Variants in VPS50 observed in about 807,000 individuals in gnomAD.
The protein encoded by VPS50 is syndetin.
Under a neutral mutation model 139.7 loss-of-function variants are expected in VPS50, and 70 were observed. That is an observed-to-expected ratio of 0.50 (90% confidence interval 0.41 to 0.61). The LOEUF is 0.61. Among genes scored for constraint, VPS50 ranks in the 20% least tolerant of loss-of-function variants. The pLI, the probability that VPS50 is intolerant of heterozygous loss-of-function variation, is 0.00. For missense variants in VPS50, 921 were observed against 1,133.7 expected, an observed-to-expected ratio of 0.81 and a Z score of 2.69; for synonymous variants, 365 against 376.7, an observed-to-expected ratio of 0.97 and a Z score of 0.36.
At chr7:93,257,921 T>G (rs1467552239) in intron 6 of VPS50, among the ~76,000 whole-genome samples, 1 of 152,062 alleles carries the variant, frequency 6.6e-6, no homozygotes, top group African/African-American at 2.4e-5. Context: ...TATTCTCAGT[T>G]TCTGTAATTT....
intron 2 of VPS50, among the ~76,000 whole-genome samples, chr7:93,251,913 C>T: frequency 6.6e-6 from 1 of 152,112 alleles, no homozygotes; most frequent in East Asian, 1.9e-4. Context: ...TAAAAATTTA[C>T]TAGTTAACTG....
chr7:93,256,533 A>G lies in VPS50; in HGVS notation c.322A>G (p.Ile108Val), dbSNP rs1224080069. The change falls in exon 5 of 28, where the codon ATC becomes GTC. Residue 108 changes from isoleucine to valine, a missense_variant. Coordinates refer to ENST00000305866, the MANE Select transcript of VPS50 (RefSeq NM_017667.4). ...AAVSKKVADL[I>V]LEKQPAYVKE... The stretch of plus-strand genomic sequence containing the variant: ...GGTATCTAAAAAAGTGGCAGATTTA[A>G]TCCTTGAAAAACAGCCTGCTTATGT... 1.4e-6 allele frequency: 2 copies of G among 1,459,688 alleles called. No individual in the cohort carries two copies. The highest frequency in any genetic ancestry group is 1.5e-5 in the African/African-American group (1 of 67,538). 90.4% of individuals were successfully genotyped at this position (1,459,688 alleles called of 1,614,324 possible). A position where few individuals can be genotyped will look rare whatever the true frequency, so the allele number is the denominator to read the frequency against.
chr7:93,321,217 G>C (rs940937064), intron 20 of VPS50: 1 of 152,202 alleles, frequency 6.6e-6, no homozygotes, highest in Non-Finnish European at 1.5e-5. Flanking sequence ...TACAGGAAAA[G>C]TTTGCCAACC....
chr7:93,316,300 C>G (rs1300617431), intron 20 of VPS50, among the ~76,000 whole-genome samples: 1 of 152,128 alleles, frequency 6.6e-6, no homozygotes, highest in Admixed American at 6.5e-5. Flanking sequence ...CAAAGACTGT[C>G]CTATGCAGCT....
intron 20 of VPS50, among the ~76,000 whole-genome samples, chr7:93,314,304 T>G (rs1440292198): frequency 6.6e-6 from 1 of 152,220 alleles, no homozygotes; most frequent in Non-Finnish European, 1.5e-5. Context: ...TCAAGTAGTA[T>G]TTACTTGGCA....
At position 93,323,741 on chromosome 7, in the gene VPS50, A is replaced by G; in HGVS notation, c.1977+9A>G. 1 of 1,381,228 alleles carries G rather than the reference A, an allele frequency of 7.2e-7. No homozygotes were observed. Among genetic ancestry groups the G allele is most frequent in the Non-Finnish European group, 9.7e-7 (1 of 1,033,196 alleles). 85.6% of individuals were successfully genotyped at this position (1,381,228 alleles called of 1,614,324 possible). ...TTGGTCGGAATGATTCAGTAAGTCCACCTTTAGAGGGAAAAAAATCTTTCT... is the reference window on the plus strand; with the variant it reads ...TTGGTCGGAATGATTCAGTAAGTCCGCCTTTAGAGGGAAAAAAATCTTTCT... On this transcript the variant is annotated intron_variant, in intron 21 of 27. Transcript: ENST00000305866.
chr7:93,250,091 A>G (rs1339350415), intron 2 of VPS50, among the ~76,000 whole-genome samples: 2 of 151,806 alleles, frequency 1.3e-5, no homozygotes, highest in Non-Finnish European at 1.5e-5. Context: ...TTCTCGGTGT[A>G]TTTTATGAGT....
intron 1 of VPS50, among the ~76,000 whole-genome samples, chr7:93,235,891 G>A (rs1414037623): frequency 6.6e-6 from 1 of 152,208 alleles, no homozygotes; most frequent in Non-Finnish European, 1.5e-5. Flanking sequence ...AACTGGTTAA[G>A]ATCACCAGTG....
At chr7:93,295,913 AT>A in intron 14 of VPS50, among the ~76,000 whole-genome samples, 1 of 152,010 alleles carries the variant, frequency 6.6e-6, no homozygotes, top group African/African-American at 2.4e-5. Flanking sequence ...ATTGGTGGAT[AT>A]GGGGTCTTGC....
chr7:93,259,582 C>T lies in VPS50; in HGVS notation c.609C>T (p.Cys203=). The change falls in exon 9 of 28, where the codon TGC becomes TGT. Residue 203 remains cysteine (C), a synonymous_variant. Coordinates refer to ENST00000305866, the MANE Select transcript of VPS50 (RefSeq NM_017667.4). ...ATTATCCAGGAGCTATTCAGTTGTG[C>T]CTTGAATGTCAAAAAGCTGCCAGCA... ...EEDYPGAIQL[C]LECQKAASTF... is the part of the protein sequence containing the mutation. 6.3e-7 allele frequency: 1 copy of T among 1,598,094 alleles called. No homozygotes were observed. The highest frequency in any genetic ancestry group is 8.6e-7 in the Non-Finnish European group (1 of 1,166,170).
chr7:93,318,435 T>C (rs1797494982), intron 20 of VPS50, among the ~76,000 whole-genome samples: 1 of 152,110 alleles, frequency 6.6e-6, no homozygotes, highest in African/African-American at 2.4e-5. Context: ...CCTTTACGCC[T>C]CTTTTATAGC....
intron 2 of VPS50, among the ~76,000 whole-genome samples, chr7:93,245,603 T>C (rs1309699200): frequency 6.6e-6 from 1 of 151,908 alleles, no homozygotes; most frequent in Non-Finnish European, 1.5e-5. Context: ...AATCACTTGA[T>C]TGTGTTATAA....
chr7:93,271,213 T>TA lies in VPS50; in HGVS notation c.660-7_660-6insA. The TA allele has an allele frequency of 6.4e-7, 1 of 1,570,738 alleles. No homozygotes were observed. On this transcript the variant is annotated splice_polypyrimidine_tract_variant and splice_region_variant and intron_variant, in intron 9 of 27. Transcript: ENST00000305866. The stretch of plus-strand genomic sequence containing the variant: ...TAGAAAAAAACTGTTTTTTTTTTTT[T>TA]TAATAGTGAACTGAATTCAAAGCTG...
chr7:93,345,515 A>G (rs1181391102), intron 23 of VPS50, among the ~76,000 whole-genome samples: 1 of 152,216 alleles, frequency 6.6e-6, no homozygotes, highest in Non-Finnish European at 1.5e-5. Context: ...CCGGGCAGAG[A>G]CACAACCAAA....
intron 22 of VPS50, among the ~76,000 whole-genome samples, chr7:93,338,245 A>G (rs1798117813): frequency 6.6e-6 from 1 of 152,208 alleles, no homozygotes; most frequent in South Asian, 2.1e-4. Context: ...TCATTCCACA[A>G]TACATATTGC....
chr7:93,298,181 G>C (rs914886302), intron 16 of VPS50, among the ~76,000 whole-genome samples: 40 of 152,200 alleles, frequency 2.6e-4, no homozygotes, highest in Admixed American at 1.9e-3. Flanking sequence ...GTTTGAAAAA[G>C]ATTTAAATTG....
At chr7:93,294,699 G>T in intron 14 of VPS50, 63 bp downstream of exon 14, 3 of 1,316,052 alleles carry the variant, frequency 2.3e-6, no homozygotes, top group Non-Finnish European at 3.2e-6. Context: ...CATAGTTTTA[G>T]AAATTCAGTT....
At chr7:93,314,710 T>A (rs1299230354) in intron 20 of VPS50, among the ~76,000 whole-genome samples, 1 of 152,132 alleles carries the variant, frequency 6.6e-6, no homozygotes, top group East Asian at 1.9e-4. Context: ...GCATCAGTAT[T>A]TAAAATGAAA....
intron 15 of VPS50, 154 bp from the exon 16 acceptor site, chr7:93,296,991 G>A: frequency 7.0e-7 from 1 of 1,438,326 alleles, no homozygotes; most frequent in East Asian, 2.7e-5. Context: ...TGCCCTTTGG[G>A]TGTTTGTAAA....
Sources: allele counts gnomAD v4.1 joint callset (sites outside exome capture counted in the v4.1 genomes callset), GRCh38; gene constraint gnomAD v4.1.1; transcripts MANE v1.5; gene names NCBI Gene and HGNC (gene_info 2026-07-23, HGNC 2026-07-21).